The following ZNF654 variants were observed in gnomAD, a reference collection of about 807,000 sequenced individuals.
ZNF654 encodes the protein melanoma-associated antigen.
A neutral mutation model predicts 95.3 loss-of-function variants in ZNF654; 19 were observed. The ratio of observed to expected loss-of-function variants is 0.20; its 90% CI spans 0.14 to 0.29. The LOEUF (loss-of-function observed/expected upper bound fraction) is 0.29, where lower values mean the gene tolerates loss of function less well. Among genes scored for constraint, ZNF654 ranks in the 10% least tolerant of loss-of-function variants. The pLI, the probability that ZNF654 is intolerant of heterozygous loss-of-function variation, is 1.00. For synonymous variants in ZNF654, 413 were observed against 457.9 expected (o/e 0.90, Z 1.25); for missense variants, 1,046 against 1,341.0 (o/e 0.78, Z 3.44).
chr3:88,103,166 A>T (rs1464964850), intron 2 of ZNF654, among the ~76,000 whole-genome samples: 3 of 151,652 alleles, frequency 2.0e-5, no homozygotes, highest in East Asian at 1.9e-4. Context: ...TTACAGACAC[A>T]TTTTTTTTTA....
chr3:88,138,969 C>T lies in ZNF654; in HGVS notation c.1300C>T (p.Arg434Cys). 8.0e-7 allele frequency: 1 copy of T among 1,245,812 alleles called. No individual in the cohort carries two copies. Among genetic ancestry groups the T allele is most frequent in the Non-Finnish European group, 1.0e-6 (1 of 997,322 alleles). The allele number at this position is 1,245,812 out of a possible 1,614,324, so 77.2% of individuals were successfully genotyped here. ...EGTSSVQNRV[R>C]FELLPILKKG... Reference sequence around the variant, plus strand: ...CACAAGTAGTGTTCAAAATCGTGTTCGTTTTGAATTGCTTCCAATTTTGAA... The same window carrying T: ...CACAAGTAGTGTTCAAAATCGTGTTTGTTTTGAATTGCTTCCAATTTTGAA... The change falls in exon 8 of 9, where the codon CGT becomes TGT. Residue 434 changes from arginine (R) to cysteine (C), a missense_variant. Physicochemically the swap from Arg to Cys is radical, Grantham distance 180. Transcript: ENST00000636215.
chr3:88,111,125 G>T (rs1033494197), intron 2 of ZNF654, among the ~76,000 whole-genome samples: 2 of 152,022 alleles, frequency 1.3e-5, no homozygotes, highest in Admixed American at 1.3e-4. Context: ...GTCAAGAGTG[G>T]AGGTCCATTA....
At chr3:88,109,864 A>G (rs544919722) in intron 2 of ZNF654, among the ~76,000 whole-genome samples, 1 of 152,310 alleles carries the variant, frequency 6.6e-6, no homozygotes, top group East Asian at 1.9e-4. Flanking sequence ...GTTCAACAGG[A>G]AAAACTGCTA....
At chr3:88,129,921 T>G (rs1213038970) in intron 6 of ZNF654, 95 bp downstream of exon 6, 11 of 1,147,304 alleles carry the variant, frequency 9.6e-6, no homozygotes, top group Non-Finnish European at 1.3e-5. Context: ...TATGAAAATG[T>G]CAAGCTACTT....
chr3:88,077,595 C>T (rs755864587), intron 1 of ZNF654, among the ~76,000 whole-genome samples: 3 of 152,082 alleles, frequency 2.0e-5, no homozygotes, highest in East Asian at 3.9e-4. Context: ...GAAAAACTTG[C>T]ATTTGTGGGA....
chr3:88,101,764 C>T (rs940946780), intron 2 of ZNF654, among the ~76,000 whole-genome samples: 5 of 152,192 alleles, frequency 3.3e-5, no homozygotes, highest in African/African-American at 7.2e-5. Context: ...AGTGACTGTA[C>T]GATTAAAATT....
rs770595533 is a variant in ZNF654, at chr3:88,061,714, G to A, written c.186+2209G>A. Reference sequence around the variant, plus strand: ...CTTCATTCGTCAGTAAGGGAAGCAGGGGGATTATTTAATCTAATTCCTAGT... The same window carrying A: ...CTTCATTCGTCAGTAAGGGAAGCAGAGGGATTATTTAATCTAATTCCTAGT... On this transcript the variant is annotated intron_variant, in intron 1 of 8. Transcript: ENST00000636215. Among the ~76,000 whole-genome samples, 2 of 152,080 alleles carry A rather than the reference G, an allele frequency of 1.3e-5. 1 individual carries two copies. The highest frequency in any genetic ancestry group is 4.8e-5 in the African/African-American group (2 of 41,404).
At chr3:88,108,491 G>A (rs1300088715) in intron 2 of ZNF654, among the ~76,000 whole-genome samples, 1 of 152,046 alleles carries the variant, frequency 6.6e-6, no homozygotes, top group Non-Finnish European at 1.5e-5. Flanking sequence ...GTCAACCATG[G>A]TCCAAAAATG....
In ZNF654 at chr3:88,109,386, T is replaced by A. The variant is rs118033995; in HGVS notation, c.333-3729T>A. ...ATAGAAAGAGTTCTTAAAAGTTGAGTGTTTTAAATAAAATGTGGGTAAGAG... is the reference window on the plus strand; with the variant it reads ...ATAGAAAGAGTTCTTAAAAGTTGAGAGTTTTAAATAAAATGTGGGTAAGAG... On this transcript the variant is annotated intron_variant, in intron 2 of 8. Transcript: ENST00000636215. Among the ~76,000 whole-genome samples the A allele has an allele frequency of 6.2e-4, 94 of 152,154 alleles. No individual in the cohort carries two copies. In the East Asian group the frequency reaches 0.015, roughly 25 times the overall value.
At chr3:88,118,322 C>T (rs1414493781) in intron 3 of ZNF654, among the ~76,000 whole-genome samples, 3 of 151,948 alleles carry the variant, frequency 2.0e-5, no homozygotes, top group Non-Finnish European at 4.4e-5. Context: ...GATATCATGT[C>T]CCAAGCAGGA....
intron 2 of ZNF654, among the ~76,000 whole-genome samples, chr3:88,094,786 T>C (rs1400942642): frequency 7.2e-5 from 11 of 151,978 alleles, no homozygotes; most frequent in African/African-American, 2.7e-4. Context: ...AGAGCTGAAC[T>C]TTTTTTTCTT....
chr3:88,090,430 A>T (rs1405590242), intron 2 of ZNF654, among the ~76,000 whole-genome samples: 1 of 152,202 alleles, frequency 6.6e-6, no homozygotes, highest in Non-Finnish European at 1.5e-5. Context: ...AAATTTAAAG[A>T]ATAAGGATAT....
chr3:88,133,059 G>A (rs1379616467), intron 6 of ZNF654, among the ~76,000 whole-genome samples: 1 of 152,142 alleles, frequency 6.6e-6, no homozygotes, highest in African/African-American at 2.4e-5. Context: ...TCTTGCTGTA[G>A]ACCAGCAGGA....
intron 6 of ZNF654, 48 bp downstream of exon 6, chr3:88,129,874 A>G: frequency 7.5e-7 from 1 of 1,337,250 alleles, no homozygotes; most frequent in Admixed American, 3.0e-5. Context: ...TGGGCAACAG[A>G]AAGGAAATTG....
At chr3:88,087,354 C>T (rs532964009) in intron 2 of ZNF654, among the ~76,000 whole-genome samples, 4 of 152,264 alleles carry the variant, frequency 2.6e-5, no homozygotes, top group South Asian at 2.1e-4. Flanking sequence ...GGATTACAGG[C>T]GTGAGCTACC....
intron 3 of ZNF654, among the ~76,000 whole-genome samples, chr3:88,120,113 T>C (rs9860113): frequency 0.94 from 142,595 of 152,080 alleles, 67,435 homozygotes; most frequent in Non-Finnish European, 1. Context: ...GGCATTCATA[T>C]ATTTTTATAA....
chr3:88,065,911 T>C (rs1256292302), intron 1 of ZNF654, among the ~76,000 whole-genome samples: 1 of 152,066 alleles, frequency 6.6e-6, no homozygotes, highest in Non-Finnish European at 1.5e-5. Flanking sequence ...ATTTTTGTAG[T>C]TTTAGTAGAG....
intron 2 of ZNF654, among the ~76,000 whole-genome samples, chr3:88,109,516 G>T (rs1424417595): frequency 1.3e-5 from 2 of 152,084 alleles, no homozygotes; most frequent in East Asian, 3.9e-4. Context: ...CATATTTAGT[G>T]GAATTTTCCT....
intron 6 of ZNF654, among the ~76,000 whole-genome samples, chr3:88,131,974 G>C (rs753600345): frequency 2.6e-5 from 4 of 152,038 alleles, no homozygotes; most frequent in Non-Finnish European, 4.4e-5. Flanking sequence ...AACCAATGGG[G>C]CAAGTTGCTA....
Sources: gnomAD v4.1 joint callset for allele counts (sites outside exome capture counted in the v4.1 genomes callset) on GRCh38, gnomAD v4.1.1 for gene constraint, MANE v1.5 for transcripts, NCBI Gene and HGNC (gene_info 2026-07-23, HGNC 2026-07-21) for gene names.